RIC3: variants seen among roughly 807,000 people sequenced by gnomAD.
The protein encoded by RIC3 is RIC3 acetylcholine receptor chaperone.
RIC3 carries 28 observed loss-of-function variants against 27.3 expected under a neutral mutation model. The ratio of observed to expected loss-of-function variants is 1.02; its 90% CI spans 0.76 to 1.41. The LOEUF (loss-of-function observed/expected upper bound fraction) is 1.41, where lower values mean the gene tolerates loss of function less well. Among genes scored for constraint, RIC3 ranks in the 40% most tolerant of loss-of-function variants. RIC3 has a pLI of 0.00. For missense variants in RIC3, 501 were observed against 444.7 expected (o/e 1.13, Z -1.14); for synonymous variants, 184 against 160.4 (o/e 1.15, Z -1.11).
the RIC3 span, chr11:8,100,699 G>A: frequency 5.4e-4 from 822 of 1,520,248 alleles, 2 homozygotes; most frequent in African/African-American, 5.4e-3. Context: ...ATGTGGAGGG[G>A]TACCATGTGA....
intron 1 of RIC3, 87 bp downstream of exon 1, chr11:8,168,779 C>A: frequency 6.6e-7 from 1 of 1,506,654 alleles, no homozygotes; most frequent in Admixed American, 2.2e-5. Flanking sequence ...GTGAAGGCTG[C>A]AGACTCTCAG....
At chr11:8,101,651 C>T (rs377375137), downstream of RIC3, 85 of 1,611,512 alleles carry the variant, frequency 5.3e-5, 1 homozygote, top group African/African-American at 1.1e-3. Flanking sequence ...GGTTGCCCAG[C>T]CTGGAGCGGA....
chr11:8,122,725 T>C (rs1390519433), intron 5 of RIC3, among the ~76,000 whole-genome samples: 1 of 152,074 alleles, frequency 6.6e-6, no homozygotes, highest in Non-Finnish European at 1.5e-5. Flanking sequence ...GTTAAAGCTT[T>C]AAAGGATTCA....
In RIC3 at chr11:8,110,675, T is replaced by C; in HGVS notation, c.*23A>G. Reference sequence around the variant, plus strand: ...AGAGGTCACCTTGGGACTTGAGTAATGGATACTTCAGACTGGCTGTTTTCA... The same window carrying C: ...AGAGGTCACCTTGGGACTTGAGTAACGGATACTTCAGACTGGCTGTTTTCA... On this transcript the variant is annotated 3_prime_UTR_variant, in exon 6 of 6. Coordinates refer to ENST00000309737, the MANE Select transcript of RIC3 (RefSeq NM_001206671.4). 6.2e-7 allele frequency: 1 copy of C among 1,608,434 alleles called. No individual in the cohort carries two copies. The highest frequency in any genetic ancestry group is 8.5e-7 in the Non-Finnish European group (1 of 1,174,968).
At chr11:8,118,790 G>A (rs1366952804) in intron 5 of RIC3, among the ~76,000 whole-genome samples, 1 of 151,506 alleles carries the variant, frequency 6.6e-6, no homozygotes, top group Non-Finnish European at 1.5e-5. Context: ...AGAATCACTT[G>A]AACCCAGGCA....
chr11:8,158,640 G>T (rs1328853516), intron 1 of RIC3, among the ~76,000 whole-genome samples: 1 of 150,628 alleles, frequency 6.6e-6, no homozygotes, highest in African/African-American at 2.5e-5. Context: ...TGAAATGAAA[G>T]GAGAACCTCA....
intron 5 of RIC3, among the ~76,000 whole-genome samples, chr11:8,115,664 C>T (rs548783910): frequency 1.1e-4 from 16 of 152,066 alleles, no homozygotes; most frequent in African/African-American, 3.6e-4. Flanking sequence ...AAAATTAGCT[C>T]GGCATGGTGG....
At chr11:8,148,116 C>T (rs1032866544) in intron 1 of RIC3, among the ~76,000 whole-genome samples, 4 of 152,210 alleles carry the variant, frequency 2.6e-5, no homozygotes, top group African/African-American at 9.6e-5. Context: ...AAGTTGCCTT[C>T]TGCCTTGTAT....
intron 4 of RIC3, among the ~76,000 whole-genome samples, chr11:8,131,318 T>C (rs1237293937): frequency 6.6e-6 from 1 of 152,034 alleles, no homozygotes; most frequent in Admixed American, 6.6e-5. Context: ...GGAAGTAAAA[T>C]AAAAGGTCAA....
intron 5 of RIC3, among the ~76,000 whole-genome samples, chr11:8,125,177 C>G (rs1163373757): frequency 6.6e-6 from 1 of 151,350 alleles, no homozygotes. Context: ...TGGCATGAAC[C>G]TGGGAGGTGG....
the RIC3 span, chr11:8,096,863 G>A: frequency 6.3e-7 from 1 of 1,589,912 alleles, no homozygotes; most frequent in Admixed American, 1.7e-5. Flanking sequence ...ATCCGTTAGA[G>A]GTGGACTGCA....
At chr11:8,116,136 AACAC>A (rs59797675) in intron 5 of RIC3, among the ~76,000 whole-genome samples, 9,539 of 152,040 alleles carry the variant, frequency 0.063, 345 homozygotes, top group South Asian at 0.11. Context: ...CAAAAAATAA[AACAC>A]ACACACACAC....
At chr11:8,162,639 T>C (rs1951283067) in intron 1 of RIC3, among the ~76,000 whole-genome samples, 1 of 121,118 alleles carries the variant, frequency 8.3e-6, no homozygotes, top group Admixed American at 9.1e-5. Flanking sequence ...CTTTTTTTTT[T>C]TTTTTTTTTT....
intron 3 of RIC3, 66 bp from the exon 4 acceptor site, chr11:8,137,537 A>C (rs921155312): frequency 3.9e-6 from 5 of 1,272,470 alleles, no homozygotes; most frequent in African/African-American, 1.5e-5. Flanking sequence ...AAGAGACCAC[A>C]AATTTTTAAA....
rs1447268629 is a variant in RIC3, at chr11:8,110,759, C to G, written c.1049G>C (p.Ser350Thr). The G allele has an allele frequency of 6.2e-7, 1 of 1,614,226 alleles. No individual in the cohort carries two copies. The highest frequency in any genetic ancestry group is 8.5e-7 in the Non-Finnish European group (1 of 1,180,034). Residue 350 changes from serine to threonine, a missense_variant, in exon 6 of 6, where the codon AGC becomes ACC. By Grantham distance (58) the Ser-to-Thr change is moderately conservative. Transcript: ENST00000309737. The stretch of plus-strand genomic sequence containing the variant: ...GCTGCCTGTATATGCTTTATCGGTG[C>G]TGATGCCCAACCCTTCATCTTTAAA... ...QDFKDEGLGI[S>T]TDKAYTGSML...
intron 2 of RIC3, chr11:8,139,496 A>T (rs943020555): frequency 1.9e-5 from 3 of 157,708 alleles, no homozygotes; most frequent in African/African-American, 7.2e-5. Flanking sequence ...AGCATCTCAA[A>T]TTCCTGTGGA....
In RIC3 at chr11:8,111,050, G is replaced by A; in HGVS notation, c.758C>T (p.Pro253Leu). Residue 253 changes from proline to leucine, a missense_variant, in exon 6 of 6, where the codon CCA (proline) becomes CTA (leucine). By Grantham distance (98) the Pro-to-Leu change is moderately conservative (BLOSUM62 -3). Coordinates refer to ENST00000309737, the MANE Select transcript of RIC3 (RefSeq NM_001206671.4). ...TATTTCTTCAGCAGAAAGTTCTTTT[G>A]GGTCAGGGTAATCCACCAAGATTGT... ...QETILVDYPD[P>L]KELSAEEIAE... is the part of the protein sequence containing the mutation. 1.2e-6 allele frequency: 2 copies of A among 1,614,050 alleles called. No homozygotes were observed. The highest frequency in any genetic ancestry group is 1.7e-6 in the Non-Finnish European group (2 of 1,179,994).
intron 4 of RIC3, among the ~76,000 whole-genome samples, chr11:8,129,208 T>C (rs1024713671): frequency 2.0e-5 from 3 of 151,950 alleles, no homozygotes; most frequent in South Asian, 4.1e-4. Context: ...CTCCCACTTC[T>C]TTAAACATTC....
At chr11:8,164,253 A>G (rs1293690703) in intron 1 of RIC3, among the ~76,000 whole-genome samples, 2 of 152,220 alleles carry the variant, frequency 1.3e-5, no homozygotes, top group Non-Finnish European at 2.9e-5. Context: ...ATAAATCTTC[A>G]TGACCTTGGA....
Sources: allele counts gnomAD v4.1 joint callset (sites outside exome capture counted in the v4.1 genomes callset), GRCh38; gene constraint gnomAD v4.1.1; transcripts MANE v1.5; gene names NCBI Gene and HGNC (gene_info 2026-07-23, HGNC 2026-07-21).